ZC4H2: variants seen among roughly 807,000 people sequenced by gnomAD.
The protein encoded by ZC4H2 is zinc finger C4H2-type containing.
For missense variants in ZC4H2, 137 were observed against 173.9 expected (o/e 0.79, Z 1.19); for synonymous variants, 84 against 66.3 (o/e 1.27, Z -1.30).
At chrX:65,012,224 C>CA (rs10606871) in intron 1 of ZC4H2, among the ~76,000 whole-genome samples, 728 of 25,183 alleles carry the variant, frequency 0.029, 25 homozygotes, top group South Asian at 0.082. Context: ...GACCCCGTCT[C>CA]AAAAAAAAAA....
chrX:64,971,065 T>C lies in ZC4H2; in HGVS notation c.53+5260A>G, dbSNP rs1052170924. 2.9e-4 allele frequency among the ~76,000 whole-genome samples: 33 copies of C among 112,577 alleles called. 1 individual carries two copies. Among genetic ancestry groups the C allele is most frequent in the Admixed American group, 2.8e-4 (3 of 10,695 alleles). ...TCCAAAGTATACCTACTACTTCATA[T>C]GCAATGTATGTTGATAATTTCCTTT... On this transcript the variant is annotated intron_variant, in intron 1 of 4. Coordinates refer to ENST00000374839, the MANE Select transcript of ZC4H2 (RefSeq NM_018684.4).
intron 1 of ZC4H2, among the ~76,000 whole-genome samples, chrX:64,944,141 CTT>C (rs746540220): frequency 9.0e-5 from 8 of 89,135 alleles, no homozygotes; most frequent in Non-Finnish European, 1.1e-4. Flanking sequence ...TTTCTTTTTT[CTT>C]TTTTTTTTTT....
At chrX:64,949,784 T>A (rs78698835) in intron 1 of ZC4H2, among the ~76,000 whole-genome samples, 1 of 111,628 alleles carries the variant, frequency 9.0e-6, no homozygotes, top group African/African-American at 3.3e-5. Flanking sequence ...TTTGTTGTAC[T>A]TTTCAAAAAA....
intron 1 of ZC4H2, among the ~76,000 whole-genome samples, chrX:64,942,353 A>AT (rs754538787): frequency 1.3e-4 from 14 of 110,194 alleles, no homozygotes; most frequent in Admixed American, 6.8e-4. Context: ...AGATTCATTG[A>AT]TTTTTTTATT....
At chrX:65,001,993 G>A (rs1932546997) in intron 1 of ZC4H2, among the ~76,000 whole-genome samples, 1 of 111,004 alleles carries the variant, frequency 9.0e-6, no homozygotes, top group African/African-American at 3.3e-5. Flanking sequence ...AATAATAGTG[G>A]GAGACTTTAA....
intron 1 of ZC4H2, among the ~76,000 whole-genome samples, chrX:64,930,910 T>C (rs1299665386): frequency 8.9e-6 from 1 of 112,173 alleles, no homozygotes; most frequent in Non-Finnish European, 1.9e-5. Flanking sequence ...TTTTACTGTC[T>C]TTTGGAATGG....
chrX:64,919,873 C>A, intron 3 of ZC4H2: 1 of 366,105 alleles, frequency 2.7e-6, no homozygotes, highest in Non-Finnish European at 4.7e-6. Context: ...GTTTAATAAT[C>A]CTCCTTCTGT....
intron 1 of ZC4H2, among the ~76,000 whole-genome samples, chrX:65,025,955 A>G (rs1168667003): frequency 1.8e-5 from 2 of 112,172 alleles, no homozygotes; most frequent in African/African-American, 6.5e-5. Flanking sequence ...GCCACATAAC[A>G]CATAAATCTG....
chrX:65,028,583 G>A (rs1490674458), intron 1 of ZC4H2, among the ~76,000 whole-genome samples: 1 of 109,406 alleles, frequency 9.1e-6, no homozygotes, highest in African/African-American at 3.3e-5. Context: ...CCGGGCTGGA[G>A]TGCAGTAGTG....
At chrX:64,935,696 A>G (rs1929973671) in intron 1 of ZC4H2, among the ~76,000 whole-genome samples, 1 of 111,834 alleles carries the variant, frequency 8.9e-6, no homozygotes, top group Non-Finnish European at 1.9e-5. Context: ...TCTGGAGTGG[A>G]CCTCCAGCAA....
chrX:64,981,696 G>T (rs1363748069), intron 1 of ZC4H2, among the ~76,000 whole-genome samples: 1 of 110,674 alleles, frequency 9.0e-6, no homozygotes, highest in Non-Finnish European at 1.9e-5. Flanking sequence ...ACCTCCCTAG[G>T]TTAGGGAGTT....
chrX:64,972,033 A>G (rs1931798601), intron 1 of ZC4H2, among the ~76,000 whole-genome samples: 1 of 111,242 alleles, frequency 9.0e-6, no homozygotes, highest in Admixed American at 9.5e-5. Flanking sequence ...CTGTTTTATT[A>G]CTGCTATCCT....
intron 1 of ZC4H2, among the ~76,000 whole-genome samples, chrX:65,018,681 C>T (rs1323388773): frequency 9.1e-6 from 1 of 109,949 alleles, no homozygotes; most frequent in Non-Finnish European, 1.9e-5. Flanking sequence ...GCCAGCGAGA[C>T]AGAACCGTTC....
At chrX:64,953,789 A>G (rs1930991099) in intron 1 of ZC4H2, among the ~76,000 whole-genome samples, 1 of 111,441 alleles carries the variant, frequency 9.0e-6, no homozygotes, top group Non-Finnish European at 1.9e-5. Context: ...AACTAGAAAT[A>G]CCACTTGACC....
chrX:65,014,715 G>A (rs1162700640), intron 1 of ZC4H2, among the ~76,000 whole-genome samples: 2 of 111,945 alleles, frequency 1.8e-5, no homozygotes, highest in Non-Finnish European at 3.8e-5. Context: ...TATAAAGTGT[G>A]TAGTGTAGTG....
At position 64,917,788 on chromosome X, in the gene ZC4H2, C is replaced by T. The variant is rs865903481; in HGVS notation, c.670G>A (p.Glu224Lys). Residue 224 changes from glutamate to lysine, a missense_variant, in exon 5 of 5, where the codon GAA becomes AAA. By Grantham distance (56) the Glu-to-Lys change is moderately conservative (BLOSUM62 1). Transcript: ENST00000374839. ...TTCATGTGCTCTCCCTTTCTTTATT[C>T]ATCCTGCTTCCGTTTCGGCTTTTTG... ...NPKKPKRKQD[E>K] is the part of the protein sequence containing the mutation. 8.3e-7 allele frequency: 1 copy of T among 1,210,400 alleles called. No individual in the cohort carries two copies. The highest frequency in any genetic ancestry group is 1.1e-6 in the Non-Finnish European group (1 of 894,928).
intron 1 of ZC4H2, among the ~76,000 whole-genome samples, chrX:64,942,559 C>T (rs907726443): frequency 2.9e-5 from 3 of 104,269 alleles, no homozygotes; most frequent in Non-Finnish European, 5.9e-5. Context: ...TCAACTCCCA[C>T]TTATGAGTGA....
intron 1 of ZC4H2, among the ~76,000 whole-genome samples, chrX:64,990,505 T>C (rs926805309): frequency 8.9e-6 from 1 of 111,992 alleles, no homozygotes; most frequent in African/African-American, 3.2e-5. Flanking sequence ...GGGGTTACTA[T>C]TGGGGAAAAC....
intron 1 of ZC4H2, among the ~76,000 whole-genome samples, chrX:64,950,672 C>G (rs1054022338): frequency 9.1e-6 from 1 of 110,459 alleles, no homozygotes; most frequent in African/African-American, 3.3e-5. Context: ...GATTGCAATC[C>G]CCACCTTTTT....
Sources: allele counts gnomAD v4.1 joint callset (sites outside exome capture counted in the v4.1 genomes callset), GRCh38; gene constraint gnomAD v4.1.1; transcripts MANE v1.5; gene names NCBI Gene and HGNC (gene_info 2026-07-23, HGNC 2026-07-21).